The following FGF13 variants were observed in gnomAD, a reference collection of about 807,000 sequenced individuals.
FGF13 encodes fibroblast growth factor homologous factor 2.
In FGF13, 2 loss-of-function variants were observed where a neutral mutation model predicts 19.5. The observed-to-expected ratio is 0.10, with a 90% CI of 0.04 to 0.32. The LOEUF (loss-of-function observed/expected upper bound fraction) is 0.32, where lower values mean the gene tolerates loss of function less well. FGF13 is among the 10% of genes least tolerant of loss of function. The probability of loss-of-function intolerance (pLI) is 1.00; values close to 1 mark genes in which losing one functional copy is unlikely to be tolerated. For missense variants in FGF13, 113 were observed against 192.7 expected (o/e 0.59, Z 2.45); for synonymous variants, 72 against 76.9 (o/e 0.94, Z 0.33).
At chrX:139,196,782 G>T (rs2084375817) in intron 1 of FGF13, among the ~76,000 whole-genome samples, 1 of 112,037 alleles carries the variant, frequency 8.9e-6, no homozygotes, top group Admixed American at 9.4e-5. Context: ...CTGTCACATT[G>T]AAGACTAGTG....
chrX:139,188,999 A>G (rs1265875615), intron 1 of FGF13, among the ~76,000 whole-genome samples: 2 of 110,781 alleles, frequency 1.8e-5, no homozygotes, highest in African/African-American at 6.6e-5. Context: ...ATGGAAATAA[A>G]TGGTAAAGGG....
At chrX:138,853,394 A>T (rs1245574974), downstream of FGF13, among the ~76,000 whole-genome samples, 4 of 111,292 alleles carry the variant, frequency 3.6e-5, no homozygotes, top group African/African-American at 1.3e-4. Context: ...TTCTGGAATA[A>T]CCCAACGCAT....
intron 1 of FGF13, among the ~76,000 whole-genome samples, chrX:139,201,259 A>G (rs1457268808): frequency 4.5e-5 from 5 of 111,784 alleles, no homozygotes; most frequent in Non-Finnish European, 7.5e-5. Context: ...CAATTTATGT[A>G]CTCTTAAGGC....
intron 3 of FGF13, among the ~76,000 whole-genome samples, chrX:138,842,212 A>AAGCTCCTAAAAGGCAGG (rs2091154005): frequency 9.0e-6 from 1 of 111,072 alleles, no homozygotes; most frequent in Non-Finnish European, 1.9e-5. Context: ...TTTCATATAC[A>AAGCTCCTAAAAGGCAGG]GAGTTTTCAT....
intron 1 of FGF13, among the ~76,000 whole-genome samples, chrX:138,878,179 T>C (rs2091401797): frequency 9.1e-6 from 1 of 110,411 alleles, no homozygotes; most frequent in African/African-American, 3.3e-5. Context: ...ACTTTAAGTT[T>C]TAGGGTACAT....
intron 1 of FGF13, among the ~76,000 whole-genome samples, chrX:139,182,068 GC>G (rs1406790270): frequency 5.6e-5 from 4 of 71,790 alleles, no homozygotes; most frequent in Admixed American, 1.4e-4. Context: ...AATAATAATA[GC>G]AAACACTTAT....
chrX:139,111,911 C>A (rs1163232975), intron 1 of FGF13, among the ~76,000 whole-genome samples: 3 of 111,879 alleles, frequency 2.7e-5, no homozygotes, highest in Non-Finnish European at 3.8e-5. Flanking sequence ...GCTGGATGAA[C>A]AACCTCCTCC....
chrX:138,758,498 T>C (rs1460741256), intron 3 of FGF13, among the ~76,000 whole-genome samples: 1 of 110,882 alleles, frequency 9.0e-6, no homozygotes, highest in Admixed American at 9.6e-5. Flanking sequence ...GCATTGCAGC[T>C]CTCCACTCAT....
At chrX:138,905,333 T>C (rs1469887571) in intron 1 of FGF13, among the ~76,000 whole-genome samples, 3 of 112,060 alleles carry the variant, frequency 2.7e-5, no homozygotes, top group Non-Finnish European at 5.6e-5. Context: ...AAACACATAA[T>C]AGAGACTTTA....
rs1424115963 is a variant in FGF13, at chrX:138,703,095, T to TA, written c.299-9dup. On this transcript the variant is annotated splice_polypyrimidine_tract_variant and intron_variant, in intron 2 of 4. Coordinates refer to ENST00000315930, the MANE Select transcript of FGF13 (RefSeq NM_004114.5). Reference sequence around the variant, plus strand: ...GGATGAGGTTAAACAGAGCTGAAATTAAAAAAGAAAATGAAAACAGTGTTA... The same window carrying TA: ...GGATGAGGTTAAACAGAGCTGAAATTAAAAAAAGAAAATGAAAACAGTGTTA... 2.3e-5 allele frequency: 27 copies of TA among 1,165,236 alleles called. No homozygotes were observed. The highest frequency in any genetic ancestry group is 3.0e-5 in the Non-Finnish European group (26 of 853,910).
At chrX:138,996,954 C>T (rs998733052) in intron 1 of FGF13, among the ~76,000 whole-genome samples, 1 of 111,970 alleles carries the variant, frequency 8.9e-6, no homozygotes, top group African/African-American at 3.3e-5. Context: ...TGGCGGGTGC[C>T]TCTCTGGGAC....
rs183526032 is a variant in FGF13 at position 138,726,591 on chromosome X, A to G, written c.28+12651T>C. ...CACTATTAAAGACAGCTTTATCTGC[A>G]CATACATTTTGACAAAAAGTCATAA... On this transcript the variant is annotated intron_variant, in intron 1 of 4. Coordinates refer to the FGF13 transcript ENST00000305414. 2.0e-3 allele frequency among the ~76,000 whole-genome samples: 229 copies of G among 112,037 alleles called. 2 individuals are homozygous for G. Among genetic ancestry groups the G allele is most frequent in the African/African-American group, 7.2e-3 (223 of 30,888 alleles).
chrX:138,965,502 A>G lies in FGF13; in HGVS notation c.-112-100852T>C, dbSNP rs189278073. Among the ~76,000 whole-genome samples the G allele has an allele frequency of 9.0e-4, 101 of 111,812 alleles. 1 individual carries two copies. The highest frequency in any genetic ancestry group is 2.4e-3 in the African/African-American group (75 of 30,767). Reference sequence around the variant, plus strand: ...AATGAACATCCAGGTGCCCGTCTATATTCTCATTTAAGTCCAATGTTATTG... The same window carrying G: ...AATGAACATCCAGGTGCCCGTCTATGTTCTCATTTAAGTCCAATGTTATTG... On this transcript the variant is annotated intron_variant, in intron 1 of 2. Transcript: ENST00000421460.
intron 1 of FGF13, among the ~76,000 whole-genome samples, chrX:138,937,767 A>C (rs745835460): frequency 3.0e-4 from 34 of 112,405 alleles, no homozygotes; most frequent in Admixed American, 8.5e-4. Flanking sequence ...GAAGGCCAAA[A>C]AGAAAAAGAG....
At chrX:138,913,749 C>T (rs2091604301) in intron 1 of FGF13, among the ~76,000 whole-genome samples, 1 of 109,855 alleles carries the variant, frequency 9.1e-6, no homozygotes, top group Non-Finnish European at 1.9e-5. Context: ...TAACATCAAT[C>T]TTAGAACATA....
At chrX:138,775,997 G>A (rs944447716) in intron 3 of FGF13, among the ~76,000 whole-genome samples, 2 of 112,597 alleles carry the variant, frequency 1.8e-5, no homozygotes, top group African/African-American at 6.5e-5. Flanking sequence ...AAGGAGGGCA[G>A]AAAGCTGCAT....
At chrX:138,969,173 A>G (rs2091905971) in intron 1 of FGF13, among the ~76,000 whole-genome samples, 1 of 112,129 alleles carries the variant, frequency 8.9e-6, no homozygotes, top group African/African-American at 3.2e-5. Context: ...AAAGTGACAC[A>G]GTCAACTGTG....
At chrX:138,948,662 G>A (rs1336993224) in intron 1 of FGF13, among the ~76,000 whole-genome samples, 3 of 111,612 alleles carry the variant, frequency 2.7e-5, no homozygotes, top group Non-Finnish European at 5.7e-5. Context: ...TTACAATTCT[G>A]GAATTCAGGG....
intron 1 of FGF13, among the ~76,000 whole-genome samples, chrX:139,177,238 C>CTTTTTTTTTTTTTT (rs35867493): frequency 5.8e-4 from 29 of 49,910 alleles, no homozygotes; most frequent in South Asian, 1.6e-3. Context: ...GCAACCCCTG[C>CTTTTTTTTTTTTTT]TTTTTTTTTT....
Sources: gnomAD v4.1 joint callset for allele counts (sites outside exome capture counted in the v4.1 genomes callset) on GRCh38, gnomAD v4.1.1 for gene constraint, MANE v1.5 for transcripts, NCBI Gene and HGNC (gene_info 2026-07-23, HGNC 2026-07-21) for gene names.